GLT8D2: variants seen among roughly 807,000 people sequenced by gnomAD.
GLT8D2 encodes the protein glycosyltransferase 8 domain containing 2.
In GLT8D2, 45 loss-of-function variants were observed where a neutral mutation model predicts 44.5. The ratio of observed to expected loss-of-function variants is 1.01; its 90% confidence interval spans 0.80 to 1.30. The LOEUF is 1.30. Ranked by LOEUF, GLT8D2 falls within the 50% of genes most tolerant of loss-of-function variation. The probability of loss-of-function intolerance (pLI) is 0.00; values close to 1 mark genes in which losing one functional copy is unlikely to be tolerated. For synonymous variants in GLT8D2, 156 were observed against 157.2 expected (o/e 0.99, Z 0.06); for missense variants, 400 against 430.4 (o/e 0.93, Z 0.62).
At chr12:104,056,060 G>A (rs558579799) in intron 1 of GLT8D2, among the ~76,000 whole-genome samples, 52 of 152,274 alleles carry the variant, frequency 3.4e-4, no homozygotes, top group African/African-American at 1.2e-3. Context: ...CCTCTCTCCC[G>A]CATGCGGTAA....
intron 1 of GLT8D2, among the ~76,000 whole-genome samples, chr12:104,022,459 A>G (rs1878023519): frequency 6.6e-6 from 1 of 152,192 alleles, no homozygotes; most frequent in Admixed American, 6.5e-5. Flanking sequence ...GTAACCCAAT[A>G]TTAAAAGGCC....
intron 1 of GLT8D2, chr12:104,031,489 G>C (rs1047786476): frequency 1.9e-6 from 3 of 1,613,346 alleles, no homozygotes; most frequent in Admixed American, 3.3e-5. Flanking sequence ...GGGATGAGGA[G>C]ACGGTGCGCA....
chr12:103,990,078 A>AATATATAT (rs57178471), intron 10 of GLT8D2, among the ~76,000 whole-genome samples: 6 of 122,276 alleles, frequency 4.9e-5, no homozygotes, highest in Admixed American at 8.8e-5. Context: ...TATGTGTACA[A>AATATATAT]ATATATATAT....
At chr12:104,023,060 C>A (rs185731462) in intron 1 of GLT8D2, among the ~76,000 whole-genome samples, 31 of 152,258 alleles carry the variant, frequency 2.0e-4, no homozygotes, top group Middle Eastern at 6.8e-3. Flanking sequence ...TGTTGACAAG[C>A]AAATTTTTTT....
At chr12:104,029,909 T>C (rs2136425501) in intron 1 of GLT8D2, 1 of 152,170 alleles carries the variant, frequency 6.6e-6, no homozygotes, top group African/African-American at 2.4e-5. Context: ...AAAATGTCTA[T>C]AACACCCAAA....
intron 4 of GLT8D2, among the ~76,000 whole-genome samples, chr12:104,004,733 G>T (rs559256356): frequency 2.0e-5 from 3 of 152,172 alleles, no homozygotes; most frequent in Admixed American, 6.5e-5. Flanking sequence ...AATAAAAGAG[G>T]ACACAAACAA....
intron 4 of GLT8D2, among the ~76,000 whole-genome samples, chr12:104,011,965 C>T (rs1157547394): frequency 4.0e-5 from 6 of 151,682 alleles, no homozygotes; most frequent in East Asian, 3.9e-4. Flanking sequence ...TGAGGTCAGG[C>T]GTTTGAGACC....
At chr12:104,052,780 A>ATTC (rs56118108), upstream of GLT8D2, among the ~76,000 whole-genome samples, 1 of 151,354 alleles carries the variant, frequency 6.6e-6, no homozygotes, top group Admixed American at 6.6e-5. Context: ...TATTATTATT[A>ATTC]TTATGTAGAG....
At chr12:104,047,984 C>G (rs890441323) in intron 1 of GLT8D2, among the ~76,000 whole-genome samples, 1 of 152,196 alleles carries the variant, frequency 6.6e-6, no homozygotes, top group Non-Finnish European at 1.5e-5. Flanking sequence ...AATACTGCAA[C>G]AGCAGAGTTG....
chr12:104,010,917 G>A (rs1200922290), intron 4 of GLT8D2, among the ~76,000 whole-genome samples: 3 of 152,198 alleles, frequency 2.0e-5, no homozygotes, highest in East Asian at 1.9e-4. Flanking sequence ...AGAGTCAGAC[G>A]GAGGCCTTCA....
At chr12:104,007,853 T>C (rs1875290729) in intron 4 of GLT8D2, among the ~76,000 whole-genome samples, 1 of 152,200 alleles carries the variant, frequency 6.6e-6, no homozygotes, top group Non-Finnish European at 1.5e-5. Context: ...GTTCTCATGG[T>C]AGTGAATAAG....
At chr12:104,054,406 C>T (rs1190982765), upstream of GLT8D2, among the ~76,000 whole-genome samples, 1 of 151,992 alleles carries the variant, frequency 6.6e-6, no homozygotes, top group Non-Finnish European at 1.5e-5. Flanking sequence ...TTTATCCATT[C>T]ACCCATCAAT....
chr12:104,035,342 T>A (rs1879807923), intron 1 of GLT8D2, among the ~76,000 whole-genome samples: 1 of 152,218 alleles, frequency 6.6e-6, no homozygotes, highest in Non-Finnish European at 1.5e-5. Flanking sequence ...GAAGTAGGCT[T>A]CAGAAGGTTG....
chr12:104,041,574 TCAA>T (rs1758152837), intron 1 of GLT8D2, among the ~76,000 whole-genome samples: 3 of 152,114 alleles, frequency 2.0e-5, no homozygotes, highest in South Asian at 4.1e-4. Flanking sequence ...AGGCTCTTTC[TCAA>T]CAACAACAGC....
chr12:103,993,272 A>G lies in GLT8D2; in HGVS notation c.880+120T>C, dbSNP rs560781375. The G allele has an allele frequency of 2.9e-4, 219 of 754,600 alleles. 1 individual carries two copies. In the African/African-American group the frequency reaches 3.3e-3, roughly 11 times the overall value. The allele number at this position is 754,600 out of a possible 1,614,324, so 46.7% of individuals were successfully genotyped here. ...CTTGAACCCAGGAAGCGGAGGTTCC[A>G]GTGAGCCGAGATCACGCCATTGCAC... On this transcript the variant is annotated intron_variant, in intron 10 of 10. Transcript: ENST00000360814.
intron 1 of GLT8D2, among the ~76,000 whole-genome samples, chr12:104,038,448 C>G (rs1030679108): frequency 2.6e-5 from 4 of 152,234 alleles, no homozygotes; most frequent in Non-Finnish European, 5.9e-5. Flanking sequence ...TCAGCAAAGT[C>G]TCAGGATACA....
At chr12:104,043,821 C>T (rs1247404283) in intron 1 of GLT8D2, among the ~76,000 whole-genome samples, 1 of 152,144 alleles carries the variant, frequency 6.6e-6, no homozygotes, top group Non-Finnish European at 1.5e-5. Context: ...GTTTCCTTAA[C>T]CCCTCTCTGT....
intron 1 of GLT8D2, among the ~76,000 whole-genome samples, chr12:104,036,045 A>G (rs1046032028): frequency 2.6e-5 from 4 of 152,198 alleles, no homozygotes; most frequent in African/African-American, 9.6e-5. Context: ...ATTTTCAACC[A>G]AGAATTTCAT....
chr12:104,010,146 C>T (rs1875638568), intron 4 of GLT8D2, among the ~76,000 whole-genome samples: 1 of 152,182 alleles, frequency 6.6e-6, no homozygotes, highest in Non-Finnish European at 1.5e-5. Context: ...TTTGACGTTT[C>T]TTTGCTGCTG....
Sources: allele counts gnomAD v4.1 joint callset (sites outside exome capture counted in the v4.1 genomes callset), GRCh38; gene constraint gnomAD v4.1.1; transcripts MANE v1.5; gene names NCBI Gene and HGNC (gene_info 2026-07-23, HGNC 2026-07-21).